Variants in DYNC1H1 observed in about 807,000 individuals in gnomAD.
The protein encoded by DYNC1H1 is dynein cytoplasmic 1 heavy chain 1.
In DYNC1H1, 51 loss-of-function variants were observed where a neutral mutation model predicts 527.1. That is an observed-to-expected ratio of 0.10 (90% CI 0.08 to 0.12). The LOEUF (loss-of-function observed/expected upper bound fraction) is 0.12, where lower values mean the gene tolerates loss of function less well. Among genes scored for constraint, DYNC1H1 ranks in the 10% least tolerant of loss-of-function variants. The pLI is 1.00. For missense variants in DYNC1H1, 2,771 were observed against 5,971.8 expected (o/e 0.46, Z 17.66); for synonymous variants, 2,189 against 2,278.8 (o/e 0.96, Z 1.12).
Position 102,048,674 on chromosome 14 carries a change from G to A in DYNC1H1, c.13372+5G>A, listed in dbSNP as rs763589386. 9 of 1,612,568 alleles carry A rather than the reference G, an allele frequency of 5.6e-6. No individual in the cohort carries two copies. The highest frequency in any genetic ancestry group is 1.7e-5 in the Admixed American group (1 of 60,016). ...TGATCAACGAGCTAGTGAAAGGTGC[G>A]TGAGAGGCCGAACTCGTGGTGTGGC... is the stretch of plus-strand genomic sequence containing the variant. On this transcript the variant is annotated splice_donor_5th_base_variant and intron_variant, in intron 74 of 77. Transcript: ENST00000360184.
In DYNC1H1 at chr14:101,995,055, C is replaced by A; in HGVS notation, c.3403C>A (p.Leu1135Ile). The change falls in exon 14 of 78, where the codon CTA becomes ATA. Residue 1135 changes from leucine (L) to isoleucine (I), a missense_variant. This residue lies in a region of DYNC1H1 where 223 missense variants were observed against 462.5 expected (regional missense o/e 0.48). Transcript: ENST00000360184. Reference sequence around the variant, plus strand: ...GGTTCTTAGCAAATTTGGGCAGATGCTAGGATCAAACATGACGGAATTCCA... The same window carrying A: ...GGTTCTTAGCAAATTTGGGCAGATGATAGGATCAAACATGACGGAATTCCA... ...KEVLSKFGQM[L>I]GSNMTEFHSQ... 6.2e-7 allele frequency: 1 copy of A among 1,614,138 alleles called. No individual in the cohort carries two copies.
At chr14:102,046,592 G>A (rs950804072) in intron 72 of DYNC1H1, among the ~76,000 whole-genome samples, 11 of 152,204 alleles carry the variant, frequency 7.2e-5, no homozygotes, top group Non-Finnish European at 1.2e-4. Context: ...CCACATGGTG[G>A]CAGTCACAGG....
rs779769068 is a variant in DYNC1H1, at chr14:102,012,518, A to G, written c.7014+48A>G. ...TCAACTGAATAATTCCTTTTGGCCAACTAAACTTCGTGTGCTAGCTAAGTG... is the reference window on the plus strand; with the variant it reads ...TCAACTGAATAATTCCTTTTGGCCAGCTAAACTTCGTGTGCTAGCTAAGTG... On this transcript the variant is annotated intron_variant, in intron 34 of 77. Coordinates refer to ENST00000360184, the MANE Select transcript of DYNC1H1 (RefSeq NM_001376.5). The surrounding 1 kb of genome is among the most constrained non-coding windows in gnomAD (Gnocchi z 4.9). 2.3e-5 allele frequency: 37 copies of G among 1,613,288 alleles called. No individual in the cohort carries two copies. The highest frequency in any genetic ancestry group is 1.6e-4 in the Middle Eastern group (1 of 6,068).
chr14:102,033,815 T>G lies in DYNC1H1; in HGVS notation c.10414-161T>G. On this transcript the variant is annotated intron_variant, in intron 54 of 77. Coordinates refer to ENST00000360184, the MANE Select transcript of DYNC1H1 (RefSeq NM_001376.5). The surrounding 1 kb of genome is among the most constrained non-coding windows in gnomAD (Gnocchi z 5.6). Reference sequence around the variant, plus strand: ...CTGAGTCGTGTGTGGTCATTAGTTATATATGATCTGGGTCTCATCTCCTCT... The same window carrying G: ...CTGAGTCGTGTGTGGTCATTAGTTAGATATGATCTGGGTCTCATCTCCTCT... The G allele has an allele frequency of 1.3e-6, 1 of 778,424 alleles. No individual in the cohort carries two copies. Among genetic ancestry groups the G allele is most frequent in the Non-Finnish European group, 2.1e-6 (1 of 469,878 alleles). 48.2% of individuals were successfully genotyped at this position (778,424 alleles called of 1,614,324 possible).
At position 102,018,382 on chromosome 14, in the gene DYNC1H1, A is replaced by C; in HGVS notation, c.8178-69A>C. On this transcript the variant is annotated intron_variant, in intron 40 of 77. Coordinates refer to ENST00000360184, the MANE Select transcript of DYNC1H1 (RefSeq NM_001376.5). The surrounding 1 kb of genome is among the most constrained non-coding windows in gnomAD (Gnocchi z 5.2). The stretch of plus-strand genomic sequence containing the variant: ...ACAGGGCCCTGGACAGGGCGACTCC[A>C]CTGGCACACTGCCCCTTCCTGGGAG... The C allele has an allele frequency of 1.3e-6, 2 of 1,586,614 alleles. No homozygotes were observed. Among genetic ancestry groups the C allele is most frequent in the Non-Finnish European group, 1.7e-6 (2 of 1,170,736 alleles).
Position 101,975,720 on chromosome 14 carries a change from G to A in DYNC1H1, c.265G>A (p.Gly89Ser), listed in dbSNP as rs749973847. ...TTTATTATGATTTGTAGAGGACGTC[G>A]GTGATGAAGGAGAAGAAGAAAAAGA... ...VERSTLKEDV[G>S]DEGEEEKEFI... The change falls in exon 2 of 78, where the codon GGT becomes AGT. Residue 89 changes from glycine (G) to serine (S), a missense_variant. By Grantham distance (56) the Gly-to-Ser change is moderately conservative. Transcript: ENST00000360184. 8.7e-6 allele frequency: 14 copies of A among 1,612,722 alleles called. No homozygotes were observed. In the Admixed American group the frequency reaches 1.2e-4, roughly 13 times the overall value.
intron 16 of DYNC1H1, 75 bp from the exon 17 acceptor site, chr14:101,999,914 C>T: frequency 6.2e-7 from 1 of 1,606,048 alleles, no homozygotes. Context: ...AGGCTCTGTG[C>T]ACCATTTTAA....
intron 1 of DYNC1H1, among the ~76,000 whole-genome samples, chr14:101,971,260 G>C (rs1257241711): frequency 6.6e-6 from 1 of 151,738 alleles, no homozygotes; most frequent in Non-Finnish European, 1.5e-5. Flanking sequence ...TTTTTGTAGA[G>C]ATTGGGTTTC....
intron 44 of DYNC1H1, 162 bp downstream of exon 44, chr14:102,026,869 A>T (rs2048457092): frequency 6.4e-6 from 7 of 1,097,008 alleles, no homozygotes; most frequent in Non-Finnish European, 9.4e-6. Flanking sequence ...CAGCTTAACC[A>T]TCCTCAGTTT....
At chr14:102,035,748 G>A (rs2152593149) in intron 56 of DYNC1H1, 1 of 152,496 alleles carries the variant, frequency 6.6e-6, no homozygotes, top group East Asian at 1.9e-4. Flanking sequence ...ACTGACACAT[G>A]TGTCTGTAAA....
In DYNC1H1 at chr14:102,044,275, G is replaced by A. The variant is rs2048687817; in HGVS notation, c.12686G>A (p.Gly4229Asp). 1.9e-6 allele frequency: 3 copies of A among 1,613,950 alleles called. No individual in the cohort carries two copies. Among genetic ancestry groups the A allele is most frequent in the Non-Finnish European group, 2.5e-6 (3 of 1,180,014 alleles). Reference protein sequence around the residue: ...VDTWLDDTAKGRQNISPDKIP... With the variant: ...VDTWLDDTAKDRQNISPDKIP... The stretch of plus-strand genomic sequence containing the variant: ...CGAACCCTGCTTTTCCTCCCCCAGG[G>A]CAGGCAGAACATCTCACCGGATAAG... The change falls in exon 71 of 78, where the codon GGC becomes GAC. Residue 4229 changes from glycine (G) to aspartate (D), a missense_variant and splice_region_variant. Gly to Asp is a moderately conservative substitution (Grantham distance 94, BLOSUM62 -1). Around this residue, in one of 32 missense-constraint regions of DYNC1H1, gnomAD observed 195 missense variants for 428.6 expected, o/e 0.45. Coordinates refer to ENST00000360184, the MANE Select transcript of DYNC1H1 (RefSeq NM_001376.5). This position sits in a 1 kb window ranked among gnomAD's most constrained non-coding sequence, Gnocchi z 7.1.
rs370974731 is a variant in DYNC1H1, at chr14:102,039,532, A to G, written c.11581A>G (p.Lys3861Glu). The change falls in exon 61 of 78, where the codon AAG becomes GAG. Residue 3861 changes from lysine (K) to glutamate (E), a missense_variant. By Grantham distance (56) the Lys-to-Glu change is moderately conservative (BLOSUM62 1). Transcript: ENST00000360184. The surrounding 1 kb of genome is among the most constrained non-coding windows in gnomAD (Gnocchi z 7.0). Reference protein sequence around the residue: ...DHTQRLSIITKDLFQVAFNRV... With the variant: ...DHTQRLSIITEDLFQVAFNRV... ...CACACAGCGCCTGTCCATTATAACAAAGGACCTCTTCCAGGTAGAGTGAGG... is the reference window on the plus strand; with the variant it reads ...CACACAGCGCCTGTCCATTATAACAGAGGACCTCTTCCAGGTAGAGTGAGG... 1 of 1,614,238 alleles carries G rather than the reference A, an allele frequency of 6.2e-7. No homozygotes were observed. Among genetic ancestry groups the G allele is most frequent in the Non-Finnish European group, 8.5e-7 (1 of 1,180,048 alleles).
chr14:101,973,769 G>A (rs1392848761), intron 1 of DYNC1H1, among the ~76,000 whole-genome samples: 4 of 152,150 alleles, frequency 2.6e-5, no homozygotes, highest in African/African-American at 4.8e-5. Flanking sequence ...AAGCCACTGC[G>A]TTCCAGCCTG....
At chr14:102,040,185 CAGTGGG>C (rs1567021716) in intron 62 of DYNC1H1, 45 bp from the exon 63 acceptor site, 2 of 1,605,788 alleles carry the variant, frequency 1.2e-6, no homozygotes, top group Non-Finnish European at 1.7e-6. Context: ...ATCTTAGTGA[CAGTGGG>C]AGTGAACGTG....
intron 48 of DYNC1H1, chr14:102,028,354 A>T: frequency 1.9e-6 from 1 of 517,592 alleles, no homozygotes; most frequent in South Asian, 2.0e-5. Context: ...TCTACAAAAA[A>T]TACAAAGAAA....
chr14:102,023,336 G>A (rs961978647), intron 43 of DYNC1H1: 22 of 318,276 alleles, frequency 6.9e-5, no homozygotes, highest in African/African-American at 4.1e-4. Context: ...GATCACCTGA[G>A]GTCGGGAGTT....
chr14:102,052,221 C>CCTCCCGGG lies in DYNC1H1; in HGVS notation c.*1662_*1669dup, dbSNP rs1172587467. The stretch of plus-strand genomic sequence containing the variant: ...TGACCATGGCTCACTGCAGCCTCAA[C>CCTCCCGGG]CTCCCGGGCTCAAGTGATCCTCCCA... On this transcript the variant is annotated 3_prime_UTR_variant, in exon 78 of 78. Coordinates refer to ENST00000360184, the MANE Select transcript of DYNC1H1 (RefSeq NM_001376.5). 1 of 152,442 alleles carries CCTCCCGGG rather than the reference C, an allele frequency of 6.6e-6. No individual in the cohort carries two copies. Among genetic ancestry groups the CCTCCCGGG allele is most frequent in the East Asian group, 1.9e-4 (1 of 5,194 alleles). 9.4% of individuals were successfully genotyped at this position (152,442 alleles called of 1,614,324 possible). A position where few individuals can be genotyped will look rare whatever the true frequency, so the allele number is the denominator to read the frequency against.
chr14:102,039,874 G>A lies in DYNC1H1; in HGVS notation c.11690+142G>A. 1 of 1,146,350 alleles carries A rather than the reference G, an allele frequency of 8.7e-7. No individual in the cohort carries two copies. Among genetic ancestry groups the A allele is most frequent in the Non-Finnish European group, 1.2e-6 (1 of 803,642 alleles). The allele number at this position is 1,146,350 out of a possible 1,614,324, so 71.0% of individuals were successfully genotyped here. On this transcript the variant is annotated intron_variant, in intron 62 of 77. Transcript: ENST00000360184. This position sits in a 1 kb window ranked among gnomAD's most constrained non-coding sequence, Gnocchi z 7.0. ...ATTTTTTGAGACGGAGTCTCCCTTTGTTGCCTAGGCTGGAGTGCCGTGGTG... is the reference window on the plus strand; with the variant it reads ...ATTTTTTGAGACGGAGTCTCCCTTTATTGCCTAGGCTGGAGTGCCGTGGTG...
chr14:102,036,554 G>A lies in DYNC1H1; in HGVS notation c.10820G>A (p.Arg3607His), dbSNP rs1321841274. 8 of 1,614,118 alleles carry A rather than the reference G, an allele frequency of 5.0e-6. No individual in the cohort carries two copies. The highest frequency in any genetic ancestry group is 1.7e-5 in the Admixed American group (1 of 60,010). Residue 3607 changes from arginine to histidine, a missense_variant, in exon 57 of 78, where the codon CGT becomes CAT. Arg to His is a conservative substitution (Grantham distance 29). Coordinates refer to ENST00000360184, the MANE Select transcript of DYNC1H1 (RefSeq NM_001376.5). The surrounding 1 kb of genome is among the most constrained non-coding windows in gnomAD (Gnocchi z 5.6). ...TTCATTATGAATGAATATAAGGATC[G>A]TAAGATCACACGGACCAGCTTCCTG... ...TEFIMNEYKD[R>H]KITRTSFLDD...
Sources: allele counts gnomAD v4.1 joint callset (sites outside exome capture counted in the v4.1 genomes callset), GRCh38; gene constraint gnomAD v4.1.1; regional missense constraint gnomAD v4.1.1; non-coding constraint Gnocchi (gnomAD v3.1); transcripts MANE v1.5; gene names NCBI Gene and HGNC (gene_info 2026-07-23, HGNC 2026-07-21).